AP3B1: variants seen among roughly 807,000 people sequenced by gnomAD.
AP3B1 encodes the protein adaptor related protein complex 3 subunit beta 1.
AP3B1 carries 61 observed loss-of-function variants against 132.5 expected under a neutral mutation model. That is an observed-to-expected ratio of 0.46 (90% CI 0.37 to 0.57). The LOEUF (loss-of-function observed/expected upper bound fraction) is 0.57. Ranked by LOEUF, AP3B1 falls within the 20% of genes least tolerant of loss-of-function variation. AP3B1 has a pLI of 0.00. For missense variants in AP3B1, 1,120 were observed against 1,289.4 expected (o/e 0.87, Z 2.01); for synonymous variants, 388 against 438.3 (o/e 0.89, Z 1.43).
chr5:78,039,792 AGAAAAGAAAAG>A (rs1747984736), intron 22 of AP3B1, among the ~76,000 whole-genome samples: 1 of 144,362 alleles, frequency 6.9e-6, no homozygotes, highest in African/African-American at 2.6e-5. Flanking sequence ...AAAAAAAAAA[AGAAAAGAAAAG>A]AAAAAAAAAA....
rs190032804 is a variant in AP3B1, at chr5:78,094,168, C to T, written c.2471-4669G>A. Among the ~76,000 whole-genome samples the T allele has an allele frequency of 2.1e-3, 321 of 152,248 alleles. 3 individuals carry two copies. Among genetic ancestry groups the T allele is most frequent in the Middle Eastern group, 3.4e-3 (1 of 294 alleles). ...TGATTTGTGATCGTCCTACTGAGAG[C>T]ACATGGTATGGGGTCCTAAAATATA... On this transcript the variant is annotated intron_variant, in intron 21 of 26. Coordinates refer to ENST00000255194, the MANE Select transcript of AP3B1 (RefSeq NM_003664.5).
intron 11 of AP3B1, among the ~76,000 whole-genome samples, chr5:78,171,932 C>T (rs781603088): frequency 4.6e-5 from 7 of 152,052 alleles, no homozygotes; most frequent in South Asian, 4.1e-4. Context: ...TAGTTTATTG[C>T]GTGTTTTTAG....
At chr5:78,208,456 T>C (rs1468699249) in intron 7 of AP3B1, among the ~76,000 whole-genome samples, 2 of 152,110 alleles carry the variant, frequency 1.3e-5, no homozygotes, top group Non-Finnish European at 2.9e-5. Context: ...CCTCTAATCA[T>C]CACACATGCA....
chr5:78,186,598 AGG>A (rs1744616860), intron 7 of AP3B1, among the ~76,000 whole-genome samples: 2 of 152,200 alleles, frequency 1.3e-5, no homozygotes, highest in African/African-American at 4.8e-5. Context: ...AATTGAGTAA[AGG>A]TTATGCCAGA....
At chr5:78,077,627 A>C (rs1332356846) in intron 22 of AP3B1, among the ~76,000 whole-genome samples, 1 of 152,152 alleles carries the variant, frequency 6.6e-6, no homozygotes, top group African/African-American at 2.4e-5. Flanking sequence ...TGTTTCAGCA[A>C]TACTCCAGTT....
chr5:78,243,787 GAGTA>G (rs10529399), intron 2 of AP3B1, among the ~76,000 whole-genome samples: 36,744 of 151,968 alleles, frequency 0.24, 4,611 homozygotes, highest in Admixed American at 0.37. Context: ...AGCCAGACTG[GAGTA>G]AGTGAGGGGA....
At chr5:78,130,007 G>A (rs1193667658) in intron 15 of AP3B1, among the ~76,000 whole-genome samples, 2 of 152,002 alleles carry the variant, frequency 1.3e-5, no homozygotes, top group African/African-American at 2.4e-5. Context: ...ATTTATTTAT[G>A]TAAGGGAACA....
At chr5:78,116,645 A>G (rs1381721787) in intron 17 of AP3B1, among the ~76,000 whole-genome samples, 1 of 152,076 alleles carries the variant, frequency 6.6e-6, no homozygotes, top group Non-Finnish European at 1.5e-5. Context: ...GAAAATATTT[A>G]GTGTAGGCAA....
At chr5:78,149,928 C>CTT (rs368425320) in intron 14 of AP3B1, among the ~76,000 whole-genome samples, 2,224 of 144,144 alleles carry the variant, frequency 0.015, 64 homozygotes, top group African/African-American at 0.053. Flanking sequence ...GTAAGCCATA[C>CTT]TTTTTTTTTT....
At chr5:78,272,493 C>A (rs1163871372) in intron 1 of AP3B1, among the ~76,000 whole-genome samples, 1 of 152,188 alleles carries the variant, frequency 6.6e-6, no homozygotes, top group African/African-American at 2.4e-5. Context: ...AAGCTCTATT[C>A]TCATCTGGTT....
At chr5:78,163,738 T>C (rs2112373356) in intron 12 of AP3B1, among the ~76,000 whole-genome samples, 1 of 151,436 alleles carries the variant, frequency 6.6e-6, no homozygotes, top group South Asian at 2.1e-4. Context: ...AGTTAAAATA[T>C]CTTTATAAAT....
intron 11 of AP3B1, among the ~76,000 whole-genome samples, chr5:78,172,671 T>G (rs1386485494): frequency 1.3e-5 from 2 of 152,248 alleles, no homozygotes; most frequent in Non-Finnish European, 2.9e-5. Context: ...TGTTGATCTT[T>G]TCAAAAAACC....
intron 1 of AP3B1, among the ~76,000 whole-genome samples, chr5:78,281,252 T>C (rs10078955): frequency 0.23 from 34,180 of 151,814 alleles, 4,493 homozygotes; most frequent in Middle Eastern, 0.31. Flanking sequence ...CTGACCAACA[T>C]GGCAAAACCC....
rs35190275 is a variant in AP3B1 at position 78,193,770 on chromosome 5, A to ATTTTTTTTTT, written c.787-12118_787-12109dup. Among the ~76,000 whole-genome samples, 51 of 67,134 alleles carry ATTTTTTTTTT rather than the reference A, an allele frequency of 7.6e-4. 2 individuals are homozygous for ATTTTTTTTTT. The highest frequency in any genetic ancestry group is 9.4e-3 in the Middle Eastern group (1 of 106). 44.0% of individuals were successfully genotyped at this position (67,134 alleles called of 152,430 possible). On this transcript the variant is annotated intron_variant, in intron 7 of 26. Coordinates refer to ENST00000255194, the MANE Select transcript of AP3B1 (RefSeq NM_003664.5). The stretch of plus-strand genomic sequence containing the variant: ...TATATATATATATATATATATATAT[A>ATTTTTTTTTT]TTTTTTTTTTAGACAGAGTCTCGCT...
chr5:78,156,287 G>T lies in AP3B1; in HGVS notation c.1444C>A (p.His482Asn). The change falls in exon 14 of 27, where the codon CAT becomes AAT. Residue 482 changes from histidine (H) to asparagine (N), a missense_variant. Coordinates refer to ENST00000255194, the MANE Select transcript of AP3B1 (RefSeq NM_003664.5). ...QPAQHGEIIK[H>N]MAKLLDSITV... ...ATACTGTCCAGGAGTTTGGCCATAT[G>T]TTTAATAATTTCACCATGTTGTGCA... 1 of 1,613,428 alleles carries T rather than the reference G, an allele frequency of 6.2e-7. No individual in the cohort carries two copies. The highest frequency in any genetic ancestry group is 8.5e-7 in the Non-Finnish European group (1 of 1,179,612).
Position 78,093,399 on chromosome 5 carries a change from A to G in AP3B1, c.2471-3900T>C, listed in dbSNP as rs1166657513. Among the ~76,000 whole-genome samples, 5 of 152,342 alleles carry G rather than the reference A, an allele frequency of 3.3e-5. No individual in the cohort carries two copies. In the South Asian group the frequency reaches 8.3e-4, roughly 25 times the overall value. ...CAGAGGAGAAAGCAAGTGATAAAACAGTTTCTCAGTAGAATCCAATTTGGA... is the reference window on the plus strand; with the variant it reads ...CAGAGGAGAAAGCAAGTGATAAAACGGTTTCTCAGTAGAATCCAATTTGGA... On this transcript the variant is annotated intron_variant, in intron 21 of 26. Coordinates refer to ENST00000255194, the MANE Select transcript of AP3B1 (RefSeq NM_003664.5).
At chr5:78,087,040 G>T (rs537067671) in intron 22 of AP3B1, among the ~76,000 whole-genome samples, 1 of 152,128 alleles carries the variant, frequency 6.6e-6, no homozygotes, top group Non-Finnish European at 1.5e-5. Flanking sequence ...TTCTATATAC[G>T]AGTGCCAGCA....
chr5:78,061,778 T>A lies in AP3B1; in HGVS notation c.2578-22504A>T, dbSNP rs143369581. On this transcript the variant is annotated intron_variant, in intron 22 of 26. Coordinates refer to ENST00000255194, the MANE Select transcript of AP3B1 (RefSeq NM_003664.5). ...ACACTGACATCCTCTGTACCCTGAGTAAATAACTTACAATTCATTTCCTAA... is the reference window on the plus strand; with the variant it reads ...ACACTGACATCCTCTGTACCCTGAGAAAATAACTTACAATTCATTTCCTAA... Among the ~76,000 whole-genome samples the A allele has an allele frequency of 3.1e-3, 472 of 152,328 alleles. 2 individuals carry two copies. Among genetic ancestry groups the A allele is most frequent in the African/African-American group, 0.011 (450 of 41,578 alleles).
chr5:78,163,001 C>T (rs768045635), intron 12 of AP3B1, 50 bp from the exon 13 acceptor site: 1 of 1,550,918 alleles, frequency 6.4e-7, no homozygotes, highest in South Asian at 1.1e-5. Flanking sequence ...ATTGAGTTAA[C>T]CAAAACTCCG....
Sources: gnomAD v4.1 joint callset for allele counts (sites outside exome capture counted in the v4.1 genomes callset) on GRCh38, gnomAD v4.1.1 for gene constraint, MANE v1.5 for transcripts, NCBI Gene and HGNC (gene_info 2026-07-23, HGNC 2026-07-21) for gene names.